The following SERINC5 variants were observed in gnomAD, a reference collection of about 807,000 sequenced individuals.
SERINC5 encodes serine incorporator 5.
Under a neutral mutation model 63.1 loss-of-function variants are expected in SERINC5, and 41 were observed. The observed-to-expected ratio is 0.65, with a 90% CI of 0.51 to 0.84. The LOEUF (loss-of-function observed/expected upper bound fraction) is 0.84, where lower values mean the gene tolerates loss of function less well. Among genes scored for constraint, SERINC5 ranks in the 40% least tolerant of loss-of-function variants. SERINC5 has a pLI of 0.00. For synonymous variants in SERINC5, 222 were observed against 215.2 expected, an observed-to-expected ratio of 1.03 and a Z score of -0.28; for missense variants, 523 against 573.0, an observed-to-expected ratio of 0.91 and a Z score of 0.89.
intron 2 of SERINC5, among the ~76,000 whole-genome samples, chr5:80,178,871 C>T (rs1748230965): frequency 6.6e-6 from 1 of 151,856 alleles, no homozygotes; most frequent in South Asian, 2.1e-4. Flanking sequence ...ATATATACAA[C>T]ACACTCACAT....
intron 11 of SERINC5, among the ~76,000 whole-genome samples, chr5:80,130,159 C>G (rs1744884541): frequency 1.3e-5 from 2 of 152,210 alleles, no homozygotes; most frequent in African/African-American, 2.4e-5. Context: ...GTGGGTGGAT[C>G]ACTTGAGGTC....
chr5:80,130,189 G>C (rs1292786831), intron 11 of SERINC5, among the ~76,000 whole-genome samples: 2 of 152,068 alleles, frequency 1.3e-5, no homozygotes, highest in Non-Finnish European at 2.9e-5. Context: ...AGACCAGCCT[G>C]GCCAACATGA....
chr5:80,221,728 GAT>G (rs1750914262), intron 1 of SERINC5, among the ~76,000 whole-genome samples: 1 of 150,090 alleles, frequency 6.7e-6, no homozygotes, highest in Middle Eastern at 3.4e-3. Flanking sequence ...CACCATATAG[GAT>G]ATGTTTTGTT....
At position 80,165,002 on chromosome 5, in the gene SERINC5, C is replaced by T. The variant is rs138086940; in HGVS notation, c.859+1381G>A. ...AAGCAATCTTCCTGCCTCAGCCTCC[C>T]AAGGTGCTTAGATTACAGGCATGTG... On this transcript the variant is annotated intron_variant, in intron 7 of 11. Transcript: ENST00000507668. Among the ~76,000 whole-genome samples the T allele has an allele frequency of 9.2e-4, 135 of 145,970 alleles. No homozygotes were observed. In the East Asian group the frequency reaches 0.024, roughly 26 times the overall value.
intron 1 of SERINC5, among the ~76,000 whole-genome samples, chr5:80,240,571 A>G (rs1672853406): frequency 6.6e-6 from 1 of 152,224 alleles, no homozygotes; most frequent in African/African-American, 2.4e-5. Flanking sequence ...GTTGTATTGT[A>G]GCAGAACTAT....
chr5:80,218,631 C>T (rs1428250299), intron 1 of SERINC5, among the ~76,000 whole-genome samples: 3 of 151,040 alleles, frequency 2.0e-5, no homozygotes, highest in South Asian at 2.1e-4. Flanking sequence ...GCCGAGATCA[C>T]GCCATTGCAC....
intron 2 of SERINC5, among the ~76,000 whole-genome samples, chr5:80,180,598 G>A (rs1748355271): frequency 6.6e-6 from 1 of 152,158 alleles, no homozygotes. Context: ...CGCTCCCAAA[G>A]AGGTTGCTCG....
intron 11 of SERINC5, among the ~76,000 whole-genome samples, chr5:80,117,152 C>T (rs984558700): frequency 6.6e-6 from 1 of 151,972 alleles, no homozygotes; most frequent in Non-Finnish European, 1.5e-5. Context: ...ACTACAATGA[C>T]TATATGCAGA....
chr5:80,241,663 T>C (rs190635082), intron 1 of SERINC5, among the ~76,000 whole-genome samples: 2 of 151,998 alleles, frequency 1.3e-5, no homozygotes, highest in Admixed American at 1.3e-4. Flanking sequence ...ATTGCACCTC[T>C]GCACCCCAGC....
chr5:80,173,880 A>G (rs1747843449), intron 5 of SERINC5, among the ~76,000 whole-genome samples: 1 of 152,050 alleles, frequency 6.6e-6, no homozygotes, highest in South Asian at 2.1e-4. Context: ...CCCACTAAAA[A>G]TCCAAAAAAA....
chr5:80,166,267 A>C, intron 7 of SERINC5, 116 bp downstream of exon 7: 1 of 711,674 alleles, frequency 1.4e-6, no homozygotes, highest in Non-Finnish European at 2.4e-6. Context: ...AGCCTCTGGT[A>C]ACCATCTTTC....
rs1751774429 is a variant in SERINC5 at position 80,237,959 on chromosome 5, C to G, written c.27+17937G>C. Among the ~76,000 whole-genome samples, 3 of 151,764 alleles carry G rather than the reference C, an allele frequency of 2.0e-5. No individual in the cohort carries two copies. The South Asian group carries it at 6.2e-4, about 32-fold the overall frequency. ...CTCTACTAAAAATACAAAAAATTAGCTGGGCGTGGTGGCGCGCGCCTGTAG... is the reference window on the plus strand; with the variant it reads ...CTCTACTAAAAATACAAAAAATTAGGTGGGCGTGGTGGCGCGCGCCTGTAG... On this transcript the variant is annotated intron_variant, in intron 1 of 11. Coordinates refer to ENST00000507668, the MANE Select transcript of SERINC5 (RefSeq NM_001174072.3).
chr5:80,233,285 G>C (rs1751534731), intron 1 of SERINC5, among the ~76,000 whole-genome samples: 1 of 151,360 alleles, frequency 6.6e-6, no homozygotes, highest in Non-Finnish European at 1.5e-5. Flanking sequence ...AGATTAGCAG[G>C]GCATGGTGGT....
At chr5:80,200,212 T>C (rs1749741736) in intron 2 of SERINC5, among the ~76,000 whole-genome samples, 1 of 152,152 alleles carries the variant, frequency 6.6e-6, no homozygotes, top group Admixed American at 6.5e-5. Context: ...GCACAGTGGC[T>C]CACGCCTGTA....
chr5:80,143,999 G>C (rs1044123033), intron 11 of SERINC5, 189 bp from the exon 12 acceptor site: 1 of 661,536 alleles, frequency 1.5e-6, no homozygotes, highest in Admixed American at 3.0e-5. Flanking sequence ...GCACCCCTTA[G>C]GTGCTCTCCC....
downstream of SERINC5, among the ~76,000 whole-genome samples, chr5:80,136,954 G>A (rs1745203442): frequency 1.3e-5 from 2 of 151,660 alleles, no homozygotes; most frequent in Admixed American, 1.3e-4. Context: ...TGGCCAACAT[G>A]GCGAAACCAT....
intron 5 of SERINC5, 111 bp downstream of exon 5, chr5:80,174,843 G>A (rs986015154): frequency 3.1e-6 from 2 of 653,428 alleles, no homozygotes. Flanking sequence ...AAAAAAGCAG[G>A]TATAAAGGGA....
In SERINC5 at chr5:80,127,717, TTTA is replaced by T. The variant is rs1487740814; in HGVS notation, c.1239-14095_1239-14093del. Among the ~76,000 whole-genome samples, 6 of 152,282 alleles carry T rather than the reference TTTA, an allele frequency of 3.9e-5. No individual in the cohort carries two copies. In the East Asian group the frequency reaches 1.2e-3, roughly 29 times the overall value. On this transcript the variant is annotated intron_variant, in intron 11 of 12. Coordinates refer to the SERINC5 transcript ENST00000509193. ...ATTTATAAATCAGTTTTGTTAATATTTTATTATCTACTTTTATTTGGTTTTGAT... is the reference window on the plus strand; with the variant it reads ...ATTTATAAATCAGTTTTGTTAATATTTTATCTACTTTTATTTGGTTTTGAT...
rs1364458281 is a variant in SERINC5, at chr5:80,146,155, G to C, written c.1173C>G (p.Ser391=). 2 of 1,614,036 alleles carry C rather than the reference G, an allele frequency of 1.2e-6. No homozygotes were observed. Among genetic ancestry groups the C allele is most frequent in the Non-Finnish European group, 8.5e-7 (1 of 1,179,866 alleles). Residue 391 remains serine (S), a synonymous_variant, in exon 11 of 12, where the codon TCC becomes TCG. Coordinates refer to ENST00000507668, the MANE Select transcript of SERINC5 (RefSeq NM_001174072.3). Reference sequence around the variant, plus strand: ...CTAGGAAGAACACGAAGTGGAAGTAGGAGTAGATGTAGACGGTGCCTTTCT... The same window carrying C: ...CTAGGAAGAACACGAAGTGGAAGTACGAGTAGATGTAGACGGTGCCTTTCT... The part of the protein sequence containing the change: ...DEKKGTVYIY[S]YFHFVFFLAS...
Sources: allele counts gnomAD v4.1 joint callset (sites outside exome capture counted in the v4.1 genomes callset), GRCh38; gene constraint gnomAD v4.1.1; transcripts MANE v1.5; gene names NCBI Gene and HGNC (gene_info 2026-07-23, HGNC 2026-07-21).